Variants in BAZ2B observed in about 807,000 individuals in gnomAD.
BAZ2B encodes the protein bromodomain adjacent to zinc finger domain 2B.
Under a neutral mutation model 246.0 loss-of-function variants are expected in BAZ2B, and 91 were observed. The observed-to-expected ratio is 0.37, with a 90% CI of 0.31 to 0.44. The LOEUF is 0.44. BAZ2B is among the 20% of genes least tolerant of loss of function. The probability of loss-of-function intolerance (pLI) is 1.00; values close to 1 mark genes in which losing one functional copy is unlikely to be tolerated. For synonymous variants in BAZ2B, 855 were observed against 860.0 expected, an observed-to-expected ratio of 0.99 and a Z score of 0.10; for missense variants, 2,332 against 2,533.7, an observed-to-expected ratio of 0.92 and a Z score of 1.71.
intron 2 of BAZ2B, among the ~76,000 whole-genome samples, chr2:159,541,286 A>G (rs1383290081): frequency 2.5e-5 from 3 of 119,922 alleles, no homozygotes; most frequent in African/African-American, 9.7e-5. Flanking sequence ...TATTATTATT[A>G]TTATTGTTTT....
the BAZ2B span, among the ~76,000 whole-genome samples, chr2:159,658,581 A>G: frequency 1.3e-5 from 2 of 152,094 alleles, no homozygotes; most frequent in African/African-American, 4.8e-5. Context: ...GCAGTGGTGC[A>G]ATCTCAGCTC....
In BAZ2B at chr2:159,432,797, C is replaced by T. The variant is rs1176745644; in HGVS notation, c.1860G>A (p.Glu620=). ...DEEEDDEEED[E]EDDEDDESDD... ...CAGATTCATCATCTTCATCATCTTC[C>T]TCATCTTCTTCTTCATCATCTTCCT... is the stretch of plus-strand genomic sequence containing the variant. The change falls in exon 9 of 37, where the codon GAG becomes GAA. Residue 620 remains glutamate (E), a synonymous_variant. Coordinates refer to ENST00000392783, the MANE Select transcript of BAZ2B (RefSeq NM_013450.4). The T allele has an allele frequency of 6.2e-7, 1 of 1,613,040 alleles. No homozygotes were observed. The highest frequency in any genetic ancestry group is 8.5e-7 in the Non-Finnish European group (1 of 1,179,356).
chr2:159,651,271 A>G, the BAZ2B span, among the ~76,000 whole-genome samples: 61,065 of 152,066 alleles, frequency 0.4, 12,778 homozygotes, highest in African/African-American at 0.5. Context: ...GAGCCTTCTG[A>G]TTATTACAAA....
At chr2:159,350,748 T>C (rs1198005443) in intron 27 of BAZ2B, among the ~76,000 whole-genome samples, 1 of 152,162 alleles carries the variant, frequency 6.6e-6, no homozygotes, top group East Asian at 1.9e-4. Flanking sequence ...TTTTTTTGTA[T>C]TTTTAGTAGA....
At chr2:159,518,199 C>A (rs947550676) in intron 2 of BAZ2B, among the ~76,000 whole-genome samples, 4 of 152,074 alleles carry the variant, frequency 2.6e-5, no homozygotes, top group African/African-American at 7.2e-5. Flanking sequence ...TAAAGAGGTA[C>A]AGCAAATAAA....
chr2:159,332,480 A>G, intron 34 of BAZ2B, 60 bp downstream of exon 34: 1 of 1,497,248 alleles, frequency 6.7e-7, no homozygotes, highest in Non-Finnish European at 9.0e-7. Context: ...GAGACCATGT[A>G]TTAAAAAAAT....
intron 9 of BAZ2B, among the ~76,000 whole-genome samples, chr2:159,431,891 C>G (rs759352063): frequency 6.6e-6 from 1 of 152,000 alleles, no homozygotes; most frequent in Non-Finnish European, 1.5e-5. Context: ...TGTGTTATAC[C>G]ATTTGCCTAT....
rs35151742 is a variant in BAZ2B at position 159,380,009 on chromosome 2, T to TACACAC, written c.4005+2544_4005+2549dup. ...GTAGCTTTCCCTAAACTCATATACA[T>TACACAC]ACACACACACACACACATCCCTCTA... On this transcript the variant is annotated intron_variant, in intron 25 of 36. Coordinates refer to ENST00000392783, the MANE Select transcript of BAZ2B (RefSeq NM_013450.4). Among the ~76,000 whole-genome samples, 211 of 150,660 alleles carry TACACAC rather than the reference T, an allele frequency of 1.4e-3. 1 individual carries two copies. Among genetic ancestry groups the TACACAC allele is most frequent in the African/African-American group, 4.6e-3 (190 of 41,154 alleles).
intron 13 of BAZ2B, among the ~76,000 whole-genome samples, chr2:159,416,373 T>C (rs960597291): frequency 6.6e-6 from 1 of 152,188 alleles, no homozygotes; most frequent in African/African-American, 2.4e-5. Flanking sequence ...TAGTTTTATG[T>C]CAGGTTATGT....
At chr2:159,523,946 A>G (rs1274716155) in intron 2 of BAZ2B, among the ~76,000 whole-genome samples, 1 of 152,212 alleles carries the variant, frequency 6.6e-6, no homozygotes, top group Non-Finnish European at 1.5e-5. Context: ...TCTAAGTCTC[A>G]TTCATATGGA....
intron 35 of BAZ2B, among the ~76,000 whole-genome samples, 163 bp from the exon 36 acceptor site, chr2:159,325,117 T>A (rs2357172): frequency 7.1e-3 from 24 of 3,388 alleles, no homozygotes; most frequent in African/African-American, 7.2e-3. Context: ...TATATATATT[T>A]TATATATATA....
intron 17 of BAZ2B, among the ~76,000 whole-genome samples, chr2:159,399,187 TA>T (rs1335866303): frequency 6.6e-6 from 1 of 152,222 alleles, no homozygotes; most frequent in Non-Finnish European, 1.5e-5. Flanking sequence ...TATGTTCTTT[TA>T]CCTTAAAATT....
chr2:159,344,027 C>CAAAAAAAAAAAAAA (rs70994297), intron 31 of BAZ2B, among the ~76,000 whole-genome samples: 1 of 96,914 alleles, frequency 1.0e-5, no homozygotes, highest in Non-Finnish European at 2.0e-5. Context: ...GACTCCATCT[C>CAAAAAAAAAAAAAA]AAAAAAAAAA....
intron 1 of BAZ2B, among the ~76,000 whole-genome samples, chr2:159,588,887 C>G (rs905580771): frequency 6.6e-6 from 1 of 152,054 alleles, no homozygotes; most frequent in African/African-American, 2.4e-5. Context: ...ATACTGGGAA[C>G]ACATTTTATA....
the BAZ2B span, among the ~76,000 whole-genome samples, chr2:159,660,850 G>A: frequency 1.8e-4 from 27 of 152,006 alleles, no homozygotes; most frequent in South Asian, 2.1e-4. Context: ...CACCCACCTC[G>A]GCCTCCCAAA....
chr2:159,626,890 G>T, the BAZ2B span, among the ~76,000 whole-genome samples: 1 of 151,978 alleles, frequency 6.6e-6, no homozygotes, highest in Non-Finnish European at 1.5e-5. Flanking sequence ...CTGGTTTTTT[G>T]AAAAGATCAA....
intron 2 of BAZ2B, among the ~76,000 whole-genome samples, chr2:159,485,033 A>T (rs1305783295): frequency 6.6e-6 from 1 of 152,190 alleles, no homozygotes; most frequent in African/African-American, 2.4e-5. Context: ...CCTCAGAGAA[A>T]TATGATAATT....
At chr2:159,581,217 A>C (rs1686689853) in intron 1 of BAZ2B, among the ~76,000 whole-genome samples, 1 of 152,248 alleles carries the variant, frequency 6.6e-6, no homozygotes, top group African/African-American at 2.4e-5. Context: ...AAACAAATTT[A>C]CAAGAAAAAA....
chr2:159,477,446 T>C (rs1351031142), intron 3 of BAZ2B, among the ~76,000 whole-genome samples: 1 of 152,040 alleles, frequency 6.6e-6, no homozygotes, highest in African/African-American at 2.4e-5. Flanking sequence ...CATAATATAA[T>C]GACAGAATGA....
Sources: gnomAD v4.1 joint callset for allele counts (sites outside exome capture counted in the v4.1 genomes callset) on GRCh38, gnomAD v4.1.1 for gene constraint, MANE v1.5 for transcripts, NCBI Gene and HGNC (gene_info 2026-07-23, HGNC 2026-07-21) for gene names.